DAAM1: variants seen among roughly 807,000 people sequenced by gnomAD.
The protein encoded by DAAM1 is disheveled-associated activator of morphogenesis 1.
A neutral mutation model predicts 130.0 loss-of-function variants in DAAM1; 52 were observed. That is an observed-to-expected ratio of 0.40 (90% CI 0.32 to 0.50). The LOEUF is 0.50. Among genes scored for constraint, DAAM1 ranks in the 20% least tolerant of loss-of-function variants. The pLI is 0.61. For synonymous variants in DAAM1, 452 were observed against 444.5 expected (o/e 1.02, Z -0.21); for missense variants, 1,134 against 1,303.8 (o/e 0.87, Z 2.01).
At chr14:59,328,711 C>T (rs1306456084) in intron 12 of DAAM1, among the ~76,000 whole-genome samples, 1 of 152,200 alleles carries the variant, frequency 6.6e-6, no homozygotes, top group Non-Finnish European at 1.5e-5. Flanking sequence ...AGCATAGTGT[C>T]TGGCACATAC....
chr14:59,238,426 A>G (rs1889371454), intron 1 of DAAM1, among the ~76,000 whole-genome samples: 2 of 152,208 alleles, frequency 1.3e-5, no homozygotes, highest in East Asian at 3.9e-4. Flanking sequence ...GGCCTTGTTC[A>G]TGAGTCTCTC....
intron 1 of DAAM1, among the ~76,000 whole-genome samples, chr14:59,238,812 A>G (rs1228708606): frequency 6.6e-6 from 1 of 152,144 alleles, no homozygotes; most frequent in African/African-American, 2.4e-5. Context: ...TGTTCTTAAA[A>G]CCATTAAATG....
chr14:59,306,500 A>G (rs949526856), intron 3 of DAAM1, among the ~76,000 whole-genome samples: 4 of 152,164 alleles, frequency 2.6e-5, no homozygotes, highest in Admixed American at 2.6e-4. Context: ...CATAGTATTA[A>G]TGCTATCACA....
intron 1 of DAAM1, among the ~76,000 whole-genome samples, chr14:59,198,961 A>G (rs1390644009): frequency 1.3e-5 from 2 of 152,242 alleles, no homozygotes; most frequent in East Asian, 1.9e-4. Context: ...GGAAGACAGT[A>G]TCCTCTTAAA....
intron 4 of DAAM1, among the ~76,000 whole-genome samples, chr14:59,319,317 A>T (rs1217599783): frequency 6.6e-6 from 1 of 152,144 alleles, no homozygotes; most frequent in African/African-American, 2.4e-5. Context: ...TATTATATTT[A>T]TTTTGCTTTG....
intron 15 of DAAM1, chr14:59,338,527 TA>T (rs1304049462): frequency 7.9e-6 from 9 of 1,134,834 alleles, no homozygotes; most frequent in Non-Finnish European, 1.2e-5. Context: ...TTACATAGTG[TA>T]ATCTAATGCC....
chr14:59,333,647 T>C (rs903973399), intron 15 of DAAM1, among the ~76,000 whole-genome samples: 2 of 152,216 alleles, frequency 1.3e-5, no homozygotes, highest in Non-Finnish European at 2.9e-5. Flanking sequence ...TACTGTTCCA[T>C]GCTGGTTGCC....
At chr14:59,236,898 A>AT (rs1446775584) in intron 1 of DAAM1, among the ~76,000 whole-genome samples, 1 of 152,002 alleles carries the variant, frequency 6.6e-6, no homozygotes, top group African/African-American at 2.4e-5. Context: ...GGGATCAGCA[A>AT]TTTTTTTCTG....
chr14:59,253,277 T>A (rs892298579), intron 1 of DAAM1, among the ~76,000 whole-genome samples: 29 of 152,240 alleles, frequency 1.9e-4, no homozygotes, highest in African/African-American at 6.8e-4. Context: ...TGTGTTGCAA[T>A]TCTGCGGCTG....
chr14:59,245,222 C>G (rs1470307153), intron 1 of DAAM1, among the ~76,000 whole-genome samples: 1 of 152,144 alleles, frequency 6.6e-6, no homozygotes, highest in Non-Finnish European at 1.5e-5. Context: ...CATACCACCT[C>G]TTATTTTGGC....
intron 1 of DAAM1, among the ~76,000 whole-genome samples, chr14:59,261,234 C>G (rs1312436045): frequency 6.6e-6 from 1 of 152,190 alleles, no homozygotes; most frequent in Non-Finnish European, 1.5e-5. Flanking sequence ...ACTCATCCAT[C>G]AGGGACCACC....
At chr14:59,289,140 C>A (rs1437776937) in intron 2 of DAAM1, among the ~76,000 whole-genome samples, 3 of 152,068 alleles carry the variant, frequency 2.0e-5, no homozygotes, top group South Asian at 2.1e-4. Flanking sequence ...TGGTCTTGAT[C>A]TCCTGACCTC....
chr14:59,341,751 C>G (rs1885858028), intron 16 of DAAM1, among the ~76,000 whole-genome samples: 1 of 152,078 alleles, frequency 6.6e-6, no homozygotes, highest in Non-Finnish European at 1.5e-5. Flanking sequence ...AGTAGTATTC[C>G]TAGTAGCAAA....
intron 3 of DAAM1, among the ~76,000 whole-genome samples, chr14:59,310,850 G>T (rs1884560050): frequency 6.6e-6 from 1 of 152,224 alleles, no homozygotes; most frequent in Non-Finnish European, 1.5e-5. Flanking sequence ...CTAAATGAAT[G>T]TTGCTTCAGC....
intron 2 of DAAM1, among the ~76,000 whole-genome samples, chr14:59,277,175 A>T (rs1020148408): frequency 2.0e-5 from 3 of 152,210 alleles, no homozygotes; most frequent in Non-Finnish European, 4.4e-5. Flanking sequence ...TTTTTCTTCC[A>T]AAGTGTTAGT....
chr14:59,268,160 C>A (rs1468963107), intron 2 of DAAM1, among the ~76,000 whole-genome samples: 3 of 152,146 alleles, frequency 2.0e-5, no homozygotes, highest in Non-Finnish European at 4.4e-5. Flanking sequence ...CTCAGCCTCC[C>A]AAAGTGCTGG....
intron 1 of DAAM1, among the ~76,000 whole-genome samples, chr14:59,196,301 G>C (rs536004254): frequency 4.6e-5 from 7 of 152,218 alleles, no homozygotes; most frequent in Non-Finnish European, 1.0e-4. Flanking sequence ...TTGTTCATAT[G>C]TGCCTAAGCT....
Position 59,370,185 on chromosome 14 carries a change from T to C in DAAM1, c.*1326T>C, listed in dbSNP as rs1887110183. 1 of 148,438 alleles carries C rather than the reference T, an allele frequency of 6.7e-6. No individual in the cohort carries two copies. Among genetic ancestry groups the C allele is most frequent in the Non-Finnish European group, 1.5e-5 (1 of 67,142 alleles). 9.2% of individuals were successfully genotyped at this position (148,438 alleles called of 1,614,324 possible). Reference sequence around the variant, plus strand: ...TTTTTTTTTTTGGCTTTGCTTTATTTATTTGTAGTTGGGGGCTAACGTTTT... The same window carrying C: ...TTTTTTTTTTTGGCTTTGCTTTATTCATTTGTAGTTGGGGGCTAACGTTTT... On this transcript the variant is annotated 3_prime_UTR_variant, in exon 25 of 25. Coordinates refer to ENST00000360909, the MANE Select transcript of DAAM1 (RefSeq NM_001270520.2).
In DAAM1 at chr14:59,370,233, G is replaced by A. The variant is rs904795091; in HGVS notation, c.*1374G>A. The A allele has an allele frequency of 1.5e-5, 2 of 137,562 alleles. No individual in the cohort carries two copies. Among genetic ancestry groups the A allele is most frequent in the African/African-American group, 5.3e-5 (2 of 37,548 alleles). 8.5% of individuals were successfully genotyped at this position (137,562 alleles called of 1,614,324 possible). On this transcript the variant is annotated 3_prime_UTR_variant, in exon 25 of 25. Coordinates refer to ENST00000360909, the MANE Select transcript of DAAM1 (RefSeq NM_001270520.2). ...TTTCTCTTTTCTTTCTATTGATCCT[G>A]TTGTGGTTGGGTTTCCTGTGGAGAG...
Sources: allele counts gnomAD v4.1 joint callset (sites outside exome capture counted in the v4.1 genomes callset), GRCh38; gene constraint gnomAD v4.1.1; transcripts MANE v1.5; gene names NCBI Gene and HGNC (gene_info 2026-07-23, HGNC 2026-07-21).